Variants in OXR1 observed in about 807,000 individuals in gnomAD.
The protein encoded by OXR1 is oxidation resistance 1.
A neutral mutation model predicts 104.6 loss-of-function variants in OXR1; 41 were observed. That is an observed-to-expected ratio of 0.39 (90% CI 0.31 to 0.51). The LOEUF (loss-of-function observed/expected upper bound fraction) is 0.51, where lower values mean the gene tolerates loss of function less well. Among genes scored for constraint, OXR1 ranks in the 20% least tolerant of loss-of-function variants. The pLI is 0.77. For missense variants in OXR1, 955 were observed against 1,031.9 expected, an observed-to-expected ratio of 0.93 and a Z score of 1.02; for synonymous variants, 348 against 348.4, an observed-to-expected ratio of 1.00 and a Z score of 0.01.
intron 1 of OXR1, among the ~76,000 whole-genome samples, chr8:106,355,203 GA>G (rs891189478): frequency 2.0e-5 from 3 of 152,070 alleles, no homozygotes; most frequent in African/African-American, 4.8e-5. Flanking sequence ...TTTCTCTTGT[GA>G]AAAAGGGACA....
rs1181056626 is a variant in OXR1, at chr8:106,339,510, AAAAAAAAAAATATAT to A, written c.-138-19964_-138-19950del. 2.9e-3 allele frequency among the ~76,000 whole-genome samples: 141 copies of A among 48,218 alleles called. 1 individual carries two copies. Among genetic ancestry groups the A allele is most frequent in the African/African-American group, 0.013 (103 of 7,992 alleles). 31.6% of individuals were successfully genotyped at this position (48,218 alleles called of 152,430 possible). The stretch of plus-strand genomic sequence containing the variant: ...CTCCATCCAAAAAAAAAAAAAAAAA[AAAAAAAAAAATATAT>A]ATATATATATATATATATATATATA... On this transcript the variant is annotated intron_variant, in intron 1 of 16. Transcript: ENST00000517566.
At chr8:106,565,663 A>G (rs1161476140) in intron 3 of OXR1, among the ~76,000 whole-genome samples, 2 of 152,208 alleles carry the variant, frequency 1.3e-5, no homozygotes, top group African/African-American at 4.8e-5. Context: ...AAGAGCCTGT[A>G]TAGCCAAGAC....
rs1242662425 is a variant in OXR1, at chr8:106,702,842, T to C, written c.676-64T>C. ...AACATCAGAAGAAAATTAGTAAAAATAGCTAGATAATTTTTGAAGTATCAA... is the reference window on the plus strand; with the variant it reads ...AACATCAGAAGAAAATTAGTAAAAACAGCTAGATAATTTTTGAAGTATCAA... On this transcript the variant is annotated intron_variant, in intron 7 of 16. Coordinates refer to ENST00000517566, the MANE Select transcript of OXR1 (RefSeq NM_001198533.2). The C allele has an allele frequency of 6.5e-6, 8 of 1,236,356 alleles. No homozygotes were observed. In the South Asian group the frequency reaches 1.1e-4, roughly 17 times the overall value. 76.6% of individuals were successfully genotyped at this position (1,236,356 alleles called of 1,614,324 possible).
intron 2 of OXR1, among the ~76,000 whole-genome samples, chr8:106,458,549 A>T (rs1276177361): frequency 1.3e-5 from 2 of 152,116 alleles, no homozygotes; most frequent in Non-Finnish European, 2.9e-5. Flanking sequence ...CATTAAAGCA[A>T]TACCTAGTGG....
chr8:106,445,593 A>T (rs145770592), intron 2 of OXR1, among the ~76,000 whole-genome samples: 31 of 152,052 alleles, frequency 2.0e-4, no homozygotes, highest in African/African-American at 7.2e-4. Flanking sequence ...TTTTACCATC[A>T]TTTCCAACCA....
rs73305173 is a variant in OXR1 at position 106,389,644 on chromosome 8, A to G, written c.23+30008A>G. On this transcript the variant is annotated intron_variant, in intron 2 of 16. Coordinates refer to ENST00000517566, the MANE Select transcript of OXR1 (RefSeq NM_001198533.2). ...AGAACTGAGCTTACCTCCCAAAGAG[A>G]AGTATAAATTCAACCTCAATAAAAC... is the stretch of plus-strand genomic sequence containing the variant. Among the ~76,000 whole-genome samples, 714 of 152,344 alleles carry G rather than the reference A, an allele frequency of 4.7e-3. 8 individuals are homozygous for G. Among genetic ancestry groups the G allele is most frequent in the African/African-American group, 0.017 (695 of 41,586 alleles).
intron 3 of OXR1, among the ~76,000 whole-genome samples, chr8:106,650,936 T>C (rs1824518095): frequency 6.6e-6 from 1 of 152,256 alleles, no homozygotes; most frequent in Non-Finnish European, 1.5e-5. Context: ...CATGTCATAT[T>C]GTATTTAATC....
chr8:106,382,857 T>C (rs1817212495), intron 2 of OXR1, among the ~76,000 whole-genome samples: 2 of 152,022 alleles, frequency 1.3e-5, no homozygotes, highest in Admixed American at 6.6e-5. Context: ...CTAAGGCTAA[T>C]GCAGGTGAAA....
chr8:106,383,299 T>C (rs1817237681), intron 2 of OXR1, among the ~76,000 whole-genome samples: 1 of 152,168 alleles, frequency 6.6e-6, no homozygotes, highest in Non-Finnish European at 1.5e-5. Context: ...TTTCACATAG[T>C]TAACATCATT....
intron 3 of OXR1, among the ~76,000 whole-genome samples, chr8:106,596,641 A>G (rs1307436313): frequency 2.6e-5 from 4 of 152,164 alleles, no homozygotes; most frequent in African/African-American, 9.7e-5. Flanking sequence ...GGCCTTGGTG[A>G]CTTTTCAGCA....
chr8:106,583,363 C>G (rs1818392978), intron 3 of OXR1, among the ~76,000 whole-genome samples: 1 of 152,080 alleles, frequency 6.6e-6, no homozygotes, highest in South Asian at 2.1e-4. Flanking sequence ...GTGTAATAAG[C>G]CAATGCTTGC....
intron 11 of OXR1, among the ~76,000 whole-genome samples, chr8:106,724,484 C>G (rs1313282253): frequency 6.6e-6 from 1 of 152,146 alleles, no homozygotes; most frequent in African/African-American, 2.4e-5. Context: ...AACAGAAAAC[C>G]ACACTCAGAA....
chr8:106,275,780 C>A (rs1005623344), intron 1 of OXR1, among the ~76,000 whole-genome samples: 1 of 151,490 alleles, frequency 6.6e-6, no homozygotes, highest in Non-Finnish European at 1.5e-5. Context: ...AATTCAGGAG[C>A]AACAACAAAC....
intron 1 of OXR1, among the ~76,000 whole-genome samples, chr8:106,292,516 T>G (rs150662695): frequency 1.8e-4 from 28 of 152,304 alleles, no homozygotes; most frequent in South Asian, 8.3e-4. Flanking sequence ...TAGAAAGATG[T>G]TCTGATTGAT....
chr8:106,290,861 C>A (rs1242557922), intron 1 of OXR1, among the ~76,000 whole-genome samples: 1 of 152,312 alleles, frequency 6.6e-6, no homozygotes, highest in East Asian at 1.9e-4. Flanking sequence ...TAAATTAGTT[C>A]AGCCATAGTG....
chr8:106,623,846 G>C (rs1821927514), intron 3 of OXR1, among the ~76,000 whole-genome samples: 1 of 152,186 alleles, frequency 6.6e-6, no homozygotes, highest in South Asian at 2.1e-4. Flanking sequence ...TTGTAAAAGG[G>C]TATCATTACT....
intron 2 of OXR1, among the ~76,000 whole-genome samples, chr8:106,373,867 G>C (rs1816805320): frequency 6.6e-6 from 1 of 152,148 alleles, no homozygotes; most frequent in South Asian, 2.1e-4. Flanking sequence ...TGGGATTACA[G>C]GTGTGAGCCA....
At chr8:106,544,042 T>C (rs1345225402) in intron 3 of OXR1, among the ~76,000 whole-genome samples, 1 of 152,160 alleles carries the variant, frequency 6.6e-6, no homozygotes, top group African/African-American at 2.4e-5. Flanking sequence ...TTGACATATA[T>C]ATAATAAAAA....
At chr8:106,479,087 T>G (rs1205563173) in intron 2 of OXR1, among the ~76,000 whole-genome samples, 2 of 151,986 alleles carry the variant, frequency 1.3e-5, no homozygotes, top group African/African-American at 2.4e-5. Context: ...AGTGTGACTT[T>G]TCAATAGGTT....
Sources: gnomAD v4.1 joint callset for allele counts (sites outside exome capture counted in the v4.1 genomes callset) on GRCh38, gnomAD v4.1.1 for gene constraint, MANE v1.5 for transcripts, NCBI Gene and HGNC (gene_info 2026-07-23, HGNC 2026-07-21) for gene names.